ATP13A4: variants seen among roughly 807,000 people sequenced by gnomAD.
The protein encoded by ATP13A4 is ATPase 13A4, also known as probable cation-transporting ATPase 13A4.
Under a neutral mutation model 142.5 loss-of-function variants are expected in ATP13A4, and 114 were observed. The ratio of observed to expected loss-of-function variants is 0.80; its 90% confidence interval spans 0.69 to 0.93. The LOEUF (loss-of-function observed/expected upper bound fraction) is 0.93, where lower values mean the gene tolerates loss of function less well. Among genes scored for constraint, ATP13A4 ranks in the 40% least tolerant of loss-of-function variants. The pLI is 0.00. For missense variants in ATP13A4, 1,392 were observed against 1,454.0 expected (o/e 0.96, Z 0.69); for synonymous variants, 488 against 514.8 (o/e 0.95, Z 0.70).
chr3:193,432,042 G>T (rs1014879796), intron 25 of ATP13A4, among the ~76,000 whole-genome samples: 14 of 151,512 alleles, frequency 9.2e-5, no homozygotes, highest in African/African-American at 3.2e-4. Flanking sequence ...GTAGATTCAG[G>T]GTCAAATAAG....
In ATP13A4 at chr3:193,526,519, T is replaced by C. The variant is rs529649645; in HGVS notation, c.61-11648A>G. Among the ~76,000 whole-genome samples the C allele has an allele frequency of 1.4e-4, 22 of 152,228 alleles. No homozygotes were observed. In the East Asian group the frequency reaches 3.5e-3, roughly 24 times the overall value. On this transcript the variant is annotated intron_variant, in intron 1 of 29. Transcript: ENST00000342695. ...CCTAATACGTGCAGGGCTTAAAACC[T>C]AGATGACAGGTTGATAGGTGCAGCA...
intron 25 of ATP13A4, among the ~76,000 whole-genome samples, chr3:193,425,975 G>T (rs1184135609): frequency 6.6e-6 from 1 of 151,662 alleles, no homozygotes; most frequent in Non-Finnish European, 1.5e-5. Context: ...ACATCACATT[G>T]TACCTCATAA....
Position 193,492,961 on chromosome 3 carries a change from A to G in ATP13A4, c.489T>C (p.His163=), listed in dbSNP as rs1720023536. Reference sequence around the variant, plus strand: ...TTGTCAAGCCTGATCCAAATTTTTGATGTATCTTGGCAGAACTAAGCCAGT... The same window carrying G: ...TTGTCAAGCCTGATCCAAATTTTTGGTGTATCTTGGCAGAACTAAGCCAGT... ...LEDWLSSAKI[H]QKFGSGLTRE... The change falls in exon 5 of 30, where the codon CAT becomes CAC. Residue 163 remains histidine, a synonymous_variant. Transcript: ENST00000342695. 3 of 1,611,478 alleles carry G rather than the reference A, an allele frequency of 1.9e-6. No homozygotes were observed. The highest frequency in any genetic ancestry group is 1.7e-6 in the Non-Finnish European group (2 of 1,178,328).
At position 193,518,732 on chromosome 3, in the gene ATP13A4, C is replaced by A. The variant is rs142505805; in HGVS notation, c.61-3861G>T. Among the ~76,000 whole-genome samples the A allele has an allele frequency of 3.5e-3, 537 of 152,270 alleles. 8 individuals are homozygous for A. Among genetic ancestry groups the A allele is most frequent in the African/African-American group, 0.012 (494 of 41,554 alleles). Reference sequence around the variant, plus strand: ...CTCAAGTCTTAGGAGAAAAAAGAACCAGCCAGAGCAAGTACCATATGCCCC... The same window carrying A: ...CTCAAGTCTTAGGAGAAAAAAGAACAAGCCAGAGCAAGTACCATATGCCCC... On this transcript the variant is annotated intron_variant, in intron 1 of 29. Coordinates refer to ENST00000342695, the MANE Select transcript of ATP13A4 (RefSeq NM_032279.4).
chr3:193,430,770 T>C (rs1002593286), intron 25 of ATP13A4, among the ~76,000 whole-genome samples: 13 of 151,990 alleles, frequency 8.6e-5, no homozygotes, highest in Admixed American at 3.9e-4. Context: ...GTTGGTGAAG[T>C]AGTCAGGAGC....
At chr3:193,478,599 A>ATTTTT (rs1447021414) in intron 8 of ATP13A4, among the ~76,000 whole-genome samples, 3 of 150,944 alleles carry the variant, frequency 2.0e-5, no homozygotes, top group South Asian at 2.1e-4. Flanking sequence ...GACCAATAAC[A>ATTTTT]AGCAGCAAGA....
intron 8 of ATP13A4, among the ~76,000 whole-genome samples, chr3:193,482,420 CT>C (rs1719348070): frequency 6.6e-6 from 1 of 152,016 alleles, no homozygotes; most frequent in African/African-American, 2.4e-5. Flanking sequence ...ATAAACTGGA[CT>C]TTAACAAAAA....
intron 1 of ATP13A4, among the ~76,000 whole-genome samples, chr3:193,531,411 G>A (rs1722334835): frequency 6.7e-6 from 1 of 149,170 alleles, no homozygotes; most frequent in Non-Finnish European, 1.5e-5. Flanking sequence ...GGAAAGGAAG[G>A]AAGGAAGGAG....
intron 8 of ATP13A4, among the ~76,000 whole-genome samples, chr3:193,478,748 A>G (rs1719116190): frequency 6.6e-6 from 1 of 152,150 alleles, no homozygotes; most frequent in Non-Finnish European, 1.5e-5. Flanking sequence ...GAAAGAGGAA[A>G]TCCTCCCTAA....
chr3:193,498,708 C>G (rs1263750085), intron 3 of ATP13A4, among the ~76,000 whole-genome samples: 1 of 152,210 alleles, frequency 6.6e-6, no homozygotes, highest in East Asian at 1.9e-4. Flanking sequence ...TCTAGAGCTT[C>G]CTTTTGTAGC....
chr3:193,445,559 C>G (rs1466977479), intron 18 of ATP13A4, among the ~76,000 whole-genome samples: 1 of 151,986 alleles, frequency 6.6e-6, no homozygotes, highest in African/African-American at 2.4e-5. Flanking sequence ...AAGTTCAAGA[C>G]CATCCTGGCC....
intron 18 of ATP13A4, among the ~76,000 whole-genome samples, chr3:193,447,801 A>C (rs748375663): frequency 1.3e-5 from 2 of 152,188 alleles, no homozygotes; most frequent in Non-Finnish European, 2.9e-5. Flanking sequence ...GCATATTTAT[A>C]GACCCCATCA....
intron 3 of ATP13A4, among the ~76,000 whole-genome samples, chr3:193,501,200 T>C (rs1720521554): frequency 6.6e-6 from 1 of 152,234 alleles, no homozygotes; most frequent in Non-Finnish European, 1.5e-5. Flanking sequence ...TCTGGGAAGC[T>C]TATTTCTCCA....
chr3:193,541,530 A>AT (rs1388498688), intron 1 of ATP13A4, among the ~76,000 whole-genome samples: 2 of 151,738 alleles, frequency 1.3e-5, no homozygotes, highest in Non-Finnish European at 2.9e-5. Context: ...TTTAAATACT[A>AT]TTTTTTCAGT....
chr3:193,484,018 G>T lies in ATP13A4; in HGVS notation c.739-13C>A. 6.3e-7 allele frequency: 1 copy of T among 1,589,384 alleles called. No homozygotes were observed. Among genetic ancestry groups the T allele is most frequent in the Non-Finnish European group, 8.6e-7 (1 of 1,157,856 alleles). On this transcript the variant is annotated splice_polypyrimidine_tract_variant and intron_variant, in intron 7 of 29. Transcript: ENST00000342695. ...GTTTTACAGATTGCTGAAAAAGAAG[G>T]AAAAATGGAAAAGTCTTATCTATTT...
chr3:193,480,215 T>C (rs966025959), intron 8 of ATP13A4, among the ~76,000 whole-genome samples: 2 of 152,102 alleles, frequency 1.3e-5, no homozygotes, highest in African/African-American at 2.4e-5. Flanking sequence ...AAAGACTTCA[T>C]AACAAGAACC....
intron 1 of ATP13A4, chr3:193,554,399 G>T: frequency 2.7e-6 from 1 of 366,186 alleles, no homozygotes. Flanking sequence ...TCCTAAAATT[G>T]TTAGGTGTTT....
At chr3:193,534,382 ACAAT>A (rs1228667495) in intron 1 of ATP13A4, among the ~76,000 whole-genome samples, 19 of 152,252 alleles carry the variant, frequency 1.2e-4, no homozygotes, top group African/African-American at 4.3e-4. Context: ...AAGAAAAAAG[ACAAT>A]CAATAGATGC....
intron 2 of ATP13A4, among the ~76,000 whole-genome samples, chr3:193,561,411 T>C (rs1313929811): frequency 6.6e-6 from 1 of 152,170 alleles, no homozygotes; most frequent in Admixed American, 6.5e-5. Flanking sequence ...TAGGATTATT[T>C]ATGCTGGTTA....
Sources: gnomAD v4.1 joint callset for allele counts (sites outside exome capture counted in the v4.1 genomes callset) on GRCh38, gnomAD v4.1.1 for gene constraint, MANE v1.5 for transcripts, NCBI Gene and HGNC (gene_info 2026-07-23, HGNC 2026-07-21) for gene names.